Variants in ANKRD44 observed in about 807,000 individuals in gnomAD.
ANKRD44 encodes the protein ankyrin repeat domain 44, also known as serine/threonine-protein phosphatase 6 regulatory ankyrin repeat subunit B.
Under a neutral mutation model 116.0 loss-of-function variants are expected in ANKRD44, and 35 were observed. That is an observed-to-expected ratio of 0.30 (90% CI 0.23 to 0.40). The LOEUF is 0.40. Among genes scored for constraint, ANKRD44 ranks in the 10% least tolerant of loss-of-function variants. The pLI is 1.00. For missense variants in ANKRD44, 1,014 were observed against 1,242.6 expected (o/e 0.82, Z 2.77); for synonymous variants, 435 against 461.8 (o/e 0.94, Z 0.74).
chr2:197,295,668 G>A (rs2083699221), intron 1 of ANKRD44, among the ~76,000 whole-genome samples: 1 of 152,176 alleles, frequency 6.6e-6, no homozygotes, highest in African/African-American at 2.4e-5. Context: ...GAGGCCCAAG[G>A]AGGTATAATG....
At chr2:197,054,052 T>C (rs1397246064) in intron 16 of ANKRD44, among the ~76,000 whole-genome samples, 1 of 152,192 alleles carries the variant, frequency 6.6e-6, no homozygotes, top group East Asian at 1.9e-4. Flanking sequence ...GGAGAATAGA[T>C]ATCAGGTCAC....
chr2:196,968,179 T>C (rs1342421073), intron 21 of ANKRD44, among the ~76,000 whole-genome samples: 1 of 152,156 alleles, frequency 6.6e-6, no homozygotes, highest in African/African-American at 2.4e-5. Flanking sequence ...CCATAGCAAC[T>C]TAAAAGATTT....
At chr2:197,149,262 C>G (rs1441492539) in intron 2 of ANKRD44, among the ~76,000 whole-genome samples, 1 of 152,098 alleles carries the variant, frequency 6.6e-6, no homozygotes, top group Non-Finnish European at 1.5e-5. Context: ...CTTCATTTGA[C>G]CTGAAGCAAA....
At position 197,116,712 on chromosome 2, in the gene ANKRD44, C is replaced by T. The variant is rs577652878; in HGVS notation, c.906+4620G>A. ...TACATACTCTCTCCTTGGGCGGTCTCGTCCCTTTCTCCTGGTTTCAACAAT... is the reference window on the plus strand; with the variant it reads ...TACATACTCTCTCCTTGGGCGGTCTTGTCCCTTTCTCCTGGTTTCAACAAT... On this transcript the variant is annotated intron_variant, in intron 8 of 27. Coordinates refer to ENST00000282272, the MANE Select transcript of ANKRD44 (RefSeq NM_001195144.2). Among the ~76,000 whole-genome samples the T allele has an allele frequency of 1.1e-4, 16 of 152,208 alleles. No homozygotes were observed. The South Asian group carries it at 2.9e-3, about 28-fold the overall frequency.
chr2:197,237,869 C>T (rs929885162), intron 1 of ANKRD44, among the ~76,000 whole-genome samples: 1 of 152,250 alleles, frequency 6.6e-6, no homozygotes, highest in Admixed American at 6.5e-5. Flanking sequence ...ATGCAGTGCA[C>T]CAGTGCAACT....
intron 2 of ANKRD44, among the ~76,000 whole-genome samples, chr2:197,177,978 T>C (rs1291775378): frequency 6.6e-6 from 1 of 152,250 alleles, no homozygotes; most frequent in Non-Finnish European, 1.5e-5. Context: ...TTTCTGGTTA[T>C]TATAAACCAG....
chr2:197,027,126 C>T (rs76685778), intron 16 of ANKRD44, among the ~76,000 whole-genome samples: 4 of 151,938 alleles, frequency 2.6e-5, no homozygotes, highest in East Asian at 1.9e-4. Flanking sequence ...TTTGGGAGAC[C>T]GAAGTGGGAA....
At chr2:197,297,348 A>T (rs2083753497) in intron 1 of ANKRD44, among the ~76,000 whole-genome samples, 1 of 152,220 alleles carries the variant, frequency 6.6e-6, no homozygotes, top group African/African-American at 2.4e-5. Context: ...AAGACTAGTT[A>T]AAAGGTCATA....
At chr2:197,006,537 G>A (rs940445518) in intron 20 of ANKRD44, among the ~76,000 whole-genome samples, 17 of 152,188 alleles carry the variant, frequency 1.1e-4, no homozygotes, top group South Asian at 2.1e-4. Context: ...CCCTGTGACA[G>A]GTCAGTTCGC....
chr2:197,093,288 A>G (rs1188622001), intron 10 of ANKRD44, among the ~76,000 whole-genome samples: 1 of 152,230 alleles, frequency 6.6e-6, no homozygotes, highest in Non-Finnish European at 1.5e-5. Context: ...AACAAAAAGT[A>G]TAAGTGGTAG....
chr2:197,287,592 C>A (rs2083440745), intron 1 of ANKRD44, among the ~76,000 whole-genome samples: 1 of 152,192 alleles, frequency 6.6e-6, no homozygotes, highest in Non-Finnish European at 1.5e-5. Flanking sequence ...AACACACAGA[C>A]AACCACACAT....
intron 1 of ANKRD44, among the ~76,000 whole-genome samples, chr2:197,271,722 C>A (rs1278654235): frequency 6.6e-6 from 1 of 152,054 alleles, no homozygotes; most frequent in Admixed American, 6.6e-5. Context: ...AGTGATCCTT[C>A]TACCTCAACC....
chr2:197,304,039 C>T (rs1475173874), intron 1 of ANKRD44, among the ~76,000 whole-genome samples: 11 of 152,194 alleles, frequency 7.2e-5, no homozygotes, highest in Non-Finnish European at 2.9e-5. Context: ...GGTGTGGTGG[C>T]TTACCCCTGT....
intron 14 of ANKRD44, among the ~76,000 whole-genome samples, chr2:197,083,065 C>T (rs564202957): frequency 2.6e-5 from 4 of 152,242 alleles, no homozygotes; most frequent in East Asian, 1.9e-4. Flanking sequence ...TAAGTGGTGA[C>T]GATGAAAACT....
intron 16 of ANKRD44, among the ~76,000 whole-genome samples, chr2:197,067,627 C>T (rs1158623589): frequency 4.7e-5 from 6 of 128,342 alleles, no homozygotes; most frequent in Non-Finnish European, 8.2e-5. Flanking sequence ...TCATCACTGG[C>T]CATCAGAGAA....
In ANKRD44 at chr2:197,203,686, A is replaced by T. The variant is rs184306729; in HGVS notation, c.28-16580T>A. 1.9e-3 allele frequency among the ~76,000 whole-genome samples: 294 copies of T among 152,372 alleles called. 2 individuals carry two copies. The highest frequency in any genetic ancestry group is 6.7e-3 in the African/African-American group (280 of 41,586). On this transcript the variant is annotated intron_variant, in intron 1 of 27. Coordinates refer to ENST00000282272, the MANE Select transcript of ANKRD44 (RefSeq NM_001195144.2). The surrounding 1 kb of genome is among the most constrained non-coding windows in gnomAD (Gnocchi z 4.1). ...CACAGCAGTACTATTCACAACAGTC[A>T]AAAGGTAGAAACAACCCAAGTGTCC...
At position 196,987,490 on chromosome 2, in the gene ANKRD44, A is replaced by G. The variant is rs1017399910; in HGVS notation, c.*2101T>C. On this transcript the variant is annotated 3_prime_UTR_variant, in exon 28 of 28. Coordinates refer to ENST00000282272, the MANE Select transcript of ANKRD44 (RefSeq NM_001195144.2). ...TCTTCAACCAACACAACATATAAGC[A>G]CACCAAGTTGCTCAACAGTACAAAG... is the stretch of plus-strand genomic sequence containing the variant. 2.0e-6 allele frequency: 2 copies of G among 985,240 alleles called. No individual in the cohort carries two copies. Among genetic ancestry groups the G allele is most frequent in the Non-Finnish European group, 2.4e-6 (2 of 829,874 alleles). 61.0% of individuals were successfully genotyped at this position (985,240 alleles called of 1,614,324 possible). A position where few individuals can be genotyped will look rare whatever the true frequency, so the allele number is the denominator to read the frequency against.
In ANKRD44 at chr2:197,079,502, G is replaced by C. The variant is rs567419724; in HGVS notation, c.1539-688C>G. Among the ~76,000 whole-genome samples, 11 of 152,302 alleles carry C rather than the reference G, an allele frequency of 7.2e-5. No homozygotes were observed. The South Asian group carries it at 2.3e-3, about 32-fold the overall frequency. On this transcript the variant is annotated intron_variant, in intron 15 of 27. Transcript: ENST00000282272. ...CAGTCTTTGGAATGCTTAGAGGAAG[G>C]AGCACGGCTCCACCTTCACTGAAGA...
intron 4 of ANKRD44, among the ~76,000 whole-genome samples, chr2:197,130,845 T>A (rs2079078473): frequency 6.6e-6 from 1 of 152,206 alleles, no homozygotes; most frequent in Non-Finnish European, 1.5e-5. Context: ...TAAAATAAAA[T>A]GCTTATCCTG....
Sources: allele counts gnomAD v4.1 joint callset (sites outside exome capture counted in the v4.1 genomes callset), GRCh38; gene constraint gnomAD v4.1.1; non-coding constraint Gnocchi (gnomAD v3.1); transcripts MANE v1.5; gene names NCBI Gene and HGNC (gene_info 2026-07-23, HGNC 2026-07-21).